The following TOGARAM2 variants were observed in gnomAD, a reference collection of about 807,000 sequenced individuals.
TOGARAM2 encodes the protein TOG array regulator of axonemal microtubules 2.
Under a neutral mutation model 93.3 loss-of-function variants are expected in TOGARAM2, and 85 were observed. The ratio of observed to expected loss-of-function variants is 0.91; its 90% CI spans 0.76 to 1.09. TOGARAM2 has a LOEUF of 1.09. Ranked by LOEUF, TOGARAM2 falls within the 50% of genes least tolerant of loss-of-function variation. The pLI is 0.00. For missense variants in TOGARAM2, 1,277 were observed against 1,334.5 expected (o/e 0.96, Z 0.67); for synonymous variants, 593 against 552.8 (o/e 1.07, Z -1.02).
intron 19 of TOGARAM2, chr2:29,048,158 C>G (rs1447822286): frequency 2.0e-5 from 3 of 152,108 alleles, no homozygotes; most frequent in African/African-American, 7.2e-5. Context: ...AAAATTCCCC[C>G]TTATAACCTT....
rs199709883 is a variant in TOGARAM2, at chr2:29,002,579, C to T, written c.471C>T (p.His157=). The change falls in exon 5 of 20, where the codon CAC becomes CAT. Residue 157 remains histidine (H), a synonymous_variant. Coordinates refer to ENST00000379558, the MANE Select transcript of TOGARAM2 (RefSeq NM_199280.4). The part of the protein sequence containing the change: ...PGGGPQGVPL[H]STIPRATSQR... The stretch of plus-strand genomic sequence containing the variant: ...GAGGCCCCCAAGGAGTTCCCCTGCA[C>T]AGCACCATCCCCCGAGCCACCTCTC... The T allele has an allele frequency of 1.2e-4, 189 of 1,614,024 alleles. No homozygotes were observed. In the South Asian group the frequency reaches 1.3e-3, roughly 11 times the overall value.
intron 18 of TOGARAM2, among the ~76,000 whole-genome samples, chr2:29,040,255 A>C (rs1371224837): frequency 6.6e-6 from 1 of 152,160 alleles, no homozygotes; most frequent in African/African-American, 2.4e-5. Context: ...TTCACATGCT[A>C]CTGGGCAGTC....
At chr2:29,050,763 G>A (rs1286672765) in intron 19 of TOGARAM2, 3 of 152,234 alleles carry the variant, frequency 2.0e-5, no homozygotes, top group East Asian at 1.9e-4. Flanking sequence ...AGCCAGCTTC[G>A]ATAGTGCTAA....
intron 6 of TOGARAM2, among the ~76,000 whole-genome samples, chr2:29,007,799 CT>C (rs1362640439): frequency 2.0e-5 from 3 of 152,102 alleles, no homozygotes; most frequent in African/African-American, 7.2e-5. Flanking sequence ...TCCCCCAGTG[CT>C]TGTTCTGTGG....
intron 1 of TOGARAM2, among the ~76,000 whole-genome samples, chr2:28,966,907 C>T (rs1333642738): frequency 3.9e-5 from 6 of 152,146 alleles, no homozygotes; most frequent in Non-Finnish European, 8.8e-5. Context: ...AAGCCTACTG[C>T]ATTTCAGAGA....
intron 8 of TOGARAM2, among the ~76,000 whole-genome samples, chr2:29,015,507 C>A (rs934554933): frequency 2.0e-5 from 3 of 152,202 alleles, no homozygotes; most frequent in Non-Finnish European, 2.9e-5. Flanking sequence ...AGCATGTTAG[C>A]TCTCTGTTAC....
Position 28,994,850 on chromosome 2 carries a change from G to A in TOGARAM2, c.16G>A (p.Asp6Asn), listed in dbSNP as rs377263694. ...CACCCAGGACATGGGCACCCGTGAC[G>A]ATGTCCCCGAAGGTAAGGGGCACCA... MGTRD[D>N]VPEAKVLVPV... The change falls in exon 2 of 20, where the codon GAT becomes AAT. Residue 6 changes from aspartate to asparagine, a missense_variant. Physicochemically the swap from Asp to Asn is conservative, Grantham distance 23. Coordinates refer to ENST00000379558, the MANE Select transcript of TOGARAM2 (RefSeq NM_199280.4). The A allele has an allele frequency of 1.0e-5, 16 of 1,552,524 alleles. No homozygotes were observed. The highest frequency in any genetic ancestry group is 4.1e-5 in the African/African-American group (3 of 73,206).
chr2:28,997,462 G>T (rs1673049736), intron 2 of TOGARAM2, among the ~76,000 whole-genome samples: 1 of 152,164 alleles, frequency 6.6e-6, no homozygotes, highest in Admixed American at 6.5e-5. Context: ...TAATCATTGT[G>T]TTCTCCGCCA....
rs1364832940 is a variant in TOGARAM2 at position 29,014,651 on chromosome 2, G to A, written c.1044+90G>A. ...GCAAGTGTCTGAAGTATTCAAGAGT[G>A]GGACCAGCCACAGAGCAGAGCAAGG... is the stretch of plus-strand genomic sequence containing the variant. On this transcript the variant is annotated intron_variant, in intron 8 of 19. Transcript: ENST00000379558. 4 of 1,472,046 alleles carry A rather than the reference G, an allele frequency of 2.7e-6. No individual in the cohort carries two copies. In the African/African-American group the frequency reaches 5.6e-5, roughly 21 times the overall value. The allele number at this position is 1,472,046 out of a possible 1,614,324, so 91.2% of individuals were successfully genotyped here.
Position 29,026,958 on chromosome 2 carries a change from C to T in TOGARAM2, c.1959C>T (p.Asp653=), listed in dbSNP as rs372744502. 2.5e-6 allele frequency: 4 copies of T among 1,569,916 alleles called. No individual in the cohort carries two copies. Among genetic ancestry groups the T allele is most frequent in the African/African-American group, 2.7e-5 (2 of 73,792 alleles). The change falls in exon 14 of 20, where the codon GAC becomes GAT. Residue 653 remains aspartate, a synonymous_variant. Coordinates refer to ENST00000379558, the MANE Select transcript of TOGARAM2 (RefSeq NM_199280.4). The part of the protein sequence containing the change: ...KLLSGTRDST[D]MLVHNLVRLA... ...TCTCGGGCACCAGAGACAGCACAGA[C>T]ATGTTGGTGCACAACCTGGTGAGGC...
intron 2 of TOGARAM2, among the ~76,000 whole-genome samples, chr2:28,996,834 C>T (rs1027799993): frequency 4.0e-5 from 6 of 150,528 alleles, no homozygotes; most frequent in African/African-American, 1.2e-4. Context: ...AGATAATGAC[C>T]TCCAGTTCCA....
intron 12 of TOGARAM2, 36 bp from the exon 13 acceptor site, chr2:29,024,103 T>A: frequency 2.0e-6 from 3 of 1,537,626 alleles, no homozygotes; most frequent in Non-Finnish European, 2.6e-6. Flanking sequence ...CTTGGCAGGG[T>A]CCAGCACCCT....
chr2:29,004,915 TGTGTAC>T (rs1673555858), intron 6 of TOGARAM2, among the ~76,000 whole-genome samples: 1 of 16,216 alleles, frequency 6.2e-5, no homozygotes, highest in Non-Finnish European at 3.1e-4. Context: ...TGTGTGTGCA[TGTGTAC>T]GTGTGTGAGT....
chr2:29,024,398 G>A (rs1665192635), intron 13 of TOGARAM2, 24 bp downstream of exon 13: 2 of 1,582,786 alleles, frequency 1.3e-6, no homozygotes, highest in Non-Finnish European at 1.7e-6. Flanking sequence ...TGTTGTCTGA[G>A]GGGCGGGGAA....
At chr2:28,967,280 A>G (rs577206887) in intron 1 of TOGARAM2, among the ~76,000 whole-genome samples, 1 of 152,074 alleles carries the variant, frequency 6.6e-6, no homozygotes, top group East Asian at 1.9e-4. Context: ...TTTGAGACCA[A>G]CCTGGGCAAC....
intron 18 of TOGARAM2, among the ~76,000 whole-genome samples, chr2:29,040,910 A>T (rs969281230): frequency 1.3e-5 from 2 of 152,024 alleles, no homozygotes; most frequent in African/African-American, 4.8e-5. Flanking sequence ...CTTCCTATTA[A>T]TAGGGGTTAA....
intron 1 of TOGARAM2, among the ~76,000 whole-genome samples, chr2:28,989,942 T>G (rs970397213): frequency 1.3e-5 from 2 of 152,262 alleles, no homozygotes; most frequent in Non-Finnish European, 2.9e-5. Flanking sequence ...CATGTTTGAA[T>G]GAATGAGTGA....
chr2:28,984,590 C>G (rs1294057791), intron 1 of TOGARAM2, among the ~76,000 whole-genome samples: 1 of 152,236 alleles, frequency 6.6e-6, no homozygotes, highest in Non-Finnish European at 1.5e-5. Context: ...CAAGCTCCTG[C>G]TACTGGGCAG....
At chr2:28,974,005 C>T (rs1372668663) in intron 1 of TOGARAM2, among the ~76,000 whole-genome samples, 1 of 152,100 alleles carries the variant, frequency 6.6e-6, no homozygotes, top group Non-Finnish European at 1.5e-5. Flanking sequence ...TCCATGCTTT[C>T]TGATGAGAAA....
Sources: gnomAD v4.1 joint callset for allele counts (sites outside exome capture counted in the v4.1 genomes callset) on GRCh38, gnomAD v4.1.1 for gene constraint, MANE v1.5 for transcripts, NCBI Gene and HGNC (gene_info 2026-07-23, HGNC 2026-07-21) for gene names.